The following VAPA variants were observed in gnomAD, a reference collection of about 807,000 sequenced individuals.
VAPA encodes vesicle-associated membrane protein-associated protein A.
A neutral mutation model predicts 25.6 loss-of-function variants in VAPA; 6 were observed. That is an observed-to-expected ratio of 0.23 (90% CI 0.13 to 0.46). VAPA has a LOEUF of 0.46. Among genes scored for constraint, VAPA ranks in the 20% least tolerant of loss-of-function variants. VAPA has a pLI of 0.99. For missense variants in VAPA, 244 were observed against 302.1 expected, an observed-to-expected ratio of 0.81 and a Z score of 1.43; for synonymous variants, 112 against 106.2, an observed-to-expected ratio of 1.05 and a Z score of -0.34.
At chr18:9,926,927 C>T (rs1382303452) in intron 1 of VAPA, among the ~76,000 whole-genome samples, 2 of 152,234 alleles carry the variant, frequency 1.3e-5, no homozygotes, top group Middle Eastern at 3.4e-3. Flanking sequence ...CTCCTAAACA[C>T]ACCTCTGAGT....
At chr18:9,948,184 A>G (rs2069446316) in intron 4 of VAPA, 1 of 152,192 alleles carries the variant, frequency 6.6e-6, no homozygotes, top group South Asian at 2.1e-4. Flanking sequence ...ATTTGCTTAG[A>G]TAAATTCTAA....
chr18:9,922,218 C>T (rs940406440), intron 1 of VAPA, among the ~76,000 whole-genome samples: 2 of 152,164 alleles, frequency 1.3e-5, no homozygotes, highest in African/African-American at 4.8e-5. Flanking sequence ...GATCCTCCTG[C>T]CTCAGCCTCC....
intron 1 of VAPA, among the ~76,000 whole-genome samples, chr18:9,922,109 T>C (rs969333379): frequency 1.3e-5 from 2 of 152,018 alleles, no homozygotes; most frequent in African/African-American, 4.8e-5. Context: ...GGACTACAGG[T>C]GCATGCCACT....
At chr18:9,915,633 C>G (rs530466701) in intron 1 of VAPA, 2 of 152,054 alleles carry the variant, frequency 1.3e-5, no homozygotes, top group Admixed American at 1.3e-4. Context: ...AAATTAAATC[C>G]TTTATTGTTG....
intron 4 of VAPA, 86 bp downstream of exon 4, chr18:9,937,152 G>T: frequency 9.0e-7 from 1 of 1,115,812 alleles, no homozygotes; most frequent in Non-Finnish European, 1.3e-6. Flanking sequence ...GACCTTTGAG[G>T]TATGTGTGAT....
chr18:9,940,119 A>G (rs1168508121), intron 4 of VAPA, among the ~76,000 whole-genome samples: 3 of 152,216 alleles, frequency 2.0e-5, no homozygotes, highest in Non-Finnish European at 4.4e-5. Flanking sequence ...CGTGATGTAC[A>G]GTTGATCTTC....
chr18:9,935,776 T>A (rs1169954206), intron 2 of VAPA, among the ~76,000 whole-genome samples: 1 of 152,194 alleles, frequency 6.6e-6, no homozygotes, highest in Non-Finnish European at 1.5e-5. Flanking sequence ...ACAAGCTGAG[T>A]TTAGAAAGGG....
chr18:9,941,152 C>T (rs547496105), intron 4 of VAPA, among the ~76,000 whole-genome samples: 4 of 151,670 alleles, frequency 2.6e-5, no homozygotes, highest in Admixed American at 2.0e-4. Flanking sequence ...ACCTAATTAA[C>T]TTAGGAAATA....
chr18:9,936,408 C>G, intron 3 of VAPA, 195 bp downstream of exon 3: 1 of 398,294 alleles, frequency 2.5e-6, no homozygotes, highest in Non-Finnish European at 4.5e-6. Flanking sequence ...TTTTTAGAAA[C>G]AATTTAGAAA....
chr18:9,931,350 GAACA>G (rs2069252846), intron 1 of VAPA, among the ~76,000 whole-genome samples: 6 of 152,276 alleles, frequency 3.9e-5, no homozygotes, highest in South Asian at 4.2e-4. Flanking sequence ...TTGAATGAAT[GAACA>G]AACAAAATTG....
At position 9,958,382 on chromosome 18, in the gene VAPA, C is replaced by CA. The variant is rs1261445685; in HGVS notation, c.*4172dup. 1 of 152,174 alleles carries CA rather than the reference C, an allele frequency of 6.6e-6. No homozygotes were observed. The highest frequency in any genetic ancestry group is 1.5e-5 in the Non-Finnish European group (1 of 68,010). 9.4% of individuals were successfully genotyped at this position (152,174 alleles called of 1,614,324 possible). A position where few individuals can be genotyped will look rare whatever the true frequency, so the allele number is the denominator to read the frequency against. ...TTGCCACATTTCTTGTTTTAAAACT[C>CA]AGTTTCTTGTTTTCCAGTTGTTGCT... is the stretch of plus-strand genomic sequence containing the variant. On this transcript the variant is annotated 3_prime_UTR_variant, in exon 6 of 6. Transcript: ENST00000400000.
intron 1 of VAPA, 39 bp from the exon 2 acceptor site, chr18:9,931,771 A>G (rs771096094): frequency 8.4e-6 from 13 of 1,553,926 alleles, no homozygotes; most frequent in Middle Eastern, 2.1e-4. Context: ...TGAGAATCCA[A>G]TTAAATTTTG....
intron 1 of VAPA, among the ~76,000 whole-genome samples, chr18:9,916,043 C>T (rs367675581): frequency 6.6e-6 from 1 of 152,008 alleles, no homozygotes; most frequent in Non-Finnish European, 1.5e-5. Context: ...TGAACATTTC[C>T]TCTACTGGAT....
At chr18:9,922,833 A>G (rs2069168525) in intron 1 of VAPA, among the ~76,000 whole-genome samples, 1 of 152,138 alleles carries the variant, frequency 6.6e-6, no homozygotes, top group African/African-American at 2.4e-5. Flanking sequence ...TGTGCCATTG[A>G]ATTGCTTACA....
chr18:9,945,301 C>T, intron 4 of VAPA, among the ~76,000 whole-genome samples: 1 of 142,412 alleles, frequency 7.0e-6, no homozygotes, highest in Non-Finnish European at 1.5e-5. Context: ...TAAGTGTGAA[C>T]ATTATGAAGT....
intron 1 of VAPA, among the ~76,000 whole-genome samples, chr18:9,916,921 T>A (rs1372263875): frequency 6.6e-6 from 1 of 152,228 alleles, no homozygotes; most frequent in Non-Finnish European, 1.5e-5. Context: ...GGTTTTTCTT[T>A]TATACACCTA....
At chr18:9,936,315 A>ACT in intron 3 of VAPA, 102 bp downstream of exon 3, 1 of 725,930 alleles carries the variant, frequency 1.4e-6, no homozygotes, top group Non-Finnish European at 2.1e-6. Flanking sequence ...TAAAAGTTAA[A>ACT]TTTAGGTTTT....
chr18:9,918,536 A>G (rs117805870), intron 1 of VAPA, among the ~76,000 whole-genome samples: 6 of 152,218 alleles, frequency 3.9e-5, no homozygotes, highest in East Asian at 1.9e-4. Flanking sequence ...AAAACCCTCA[A>G]TTCTTCTGGC....
intron 5 of VAPA, among the ~76,000 whole-genome samples, chr18:9,952,760 C>G (rs938207357): frequency 6.6e-6 from 1 of 152,118 alleles, no homozygotes; most frequent in African/African-American, 2.4e-5. Context: ...TAAAAAGTTA[C>G]AGTTGACCAG....
Sources: gnomAD v4.1 joint callset for allele counts (sites outside exome capture counted in the v4.1 genomes callset) on GRCh38, gnomAD v4.1.1 for gene constraint, MANE v1.5 for transcripts, NCBI Gene and HGNC (gene_info 2026-07-23, HGNC 2026-07-21) for gene names.